AGBL1: variants seen among roughly 807,000 people sequenced by gnomAD.
AGBL1 encodes the protein cytosolic carboxypeptidase 4.
AGBL1 carries 130 observed loss-of-function variants against 118.9 expected under a neutral mutation model. The observed-to-expected ratio is 1.09, with a 90% CI of 0.95 to 1.26. The LOEUF (loss-of-function observed/expected upper bound fraction) is 1.26, where lower values mean the gene tolerates loss of function less well. Ranked by LOEUF, AGBL1 falls within the 50% of genes most tolerant of loss-of-function variation. AGBL1 has a pLI of 0.00. For missense variants in AGBL1, 1,584 were observed against 1,298.1 expected (o/e 1.22, Z -3.38); for synonymous variants, 555 against 478.9 (o/e 1.16, Z -2.08).
At chr15:86,302,745 C>G (rs2079770339) in intron 17 of AGBL1, among the ~76,000 whole-genome samples, 1 of 144,002 alleles carries the variant, frequency 6.9e-6, no homozygotes, top group Admixed American at 7.2e-5. Flanking sequence ...CACCACTGCA[C>G]TCCAGCCTGG....
intron 21 of AGBL1, among the ~76,000 whole-genome samples, chr15:86,617,760 G>GCA (rs5814253): frequency 0.014 from 2,045 of 146,892 alleles, 31 homozygotes; most frequent in African/African-American, 0.04. Context: ...AACTTTATGC[G>GCA]CACACACACA....
chr15:86,724,108 C>A (rs1308271617), intron 22 of AGBL1, among the ~76,000 whole-genome samples: 2 of 151,722 alleles, frequency 1.3e-5, no homozygotes, highest in Admixed American at 6.6e-5. Context: ...CGGTGGCGGG[C>A]GCCTGTAGTC....
intron 11 of AGBL1, 130 bp downstream of exon 11, chr15:86,264,968 T>C (rs1039713473): frequency 2.5e-5 from 23 of 937,766 alleles, no homozygotes; most frequent in South Asian, 1.6e-4. Context: ...TCAAAGCCTG[T>C]TGGCAAACTG....
At chr15:86,333,615 C>G (rs1407379677) in intron 17 of AGBL1, among the ~76,000 whole-genome samples, 8 of 152,164 alleles carry the variant, frequency 5.3e-5, no homozygotes, top group African/African-American at 1.9e-4. Context: ...CAAAGAAGAG[C>G]TGGTCTCAAT....
intron 22 of AGBL1, among the ~76,000 whole-genome samples, chr15:86,770,077 T>A (rs865973815): frequency 2.0e-5 from 3 of 152,174 alleles, no homozygotes; most frequent in African/African-American, 7.2e-5. Context: ...AGGTTGTTCC[T>A]TTTCAATAGT....
At chr15:86,309,956 T>C (rs1567192159) in intron 17 of AGBL1, among the ~76,000 whole-genome samples, 1 of 152,226 alleles carries the variant, frequency 6.6e-6, no homozygotes. Context: ...AATTAGCTTG[T>C]AAATGTTCCC....
intron 5 of AGBL1, among the ~76,000 whole-genome samples, chr15:86,167,623 A>G (rs996745287): frequency 3.3e-5 from 5 of 152,350 alleles, no homozygotes; most frequent in African/African-American, 1.2e-4. Flanking sequence ...ATTATAAAGC[A>G]GATGGGGGAA....
intron 6 of AGBL1, among the ~76,000 whole-genome samples, chr15:86,238,507 C>T (rs1385439494): frequency 6.6e-6 from 1 of 152,164 alleles, no homozygotes; most frequent in Non-Finnish European, 1.5e-5. Context: ...AAGAGTCTAC[C>T]ATGTTAGAGA....
intron 22 of AGBL1, among the ~76,000 whole-genome samples, chr15:86,774,445 C>A (rs978170506): frequency 6.6e-6 from 1 of 152,040 alleles, no homozygotes; most frequent in East Asian, 1.9e-4. Context: ...ATTCGTTGAG[C>A]AAATGTTTAT....
rs1478411056 is a variant in AGBL1 at position 86,636,724 on chromosome 15, T to C, written c.2995-37549T>C. On this transcript the variant is annotated intron_variant, in intron 21 of 22. Coordinates refer to ENST00000614907, the MANE Select transcript of AGBL1 (RefSeq NM_001386094.1). ...AGTCATATATATATATATATATATA[T>C]ATATATATATATATATATATATATA... 1.1e-3 allele frequency among the ~76,000 whole-genome samples: 44 copies of C among 39,596 alleles called. 2 individuals carry two copies. Among genetic ancestry groups the C allele is most frequent in the South Asian group, 3.9e-3 (3 of 774 alleles). The allele number at this position is 39,596 out of a possible 152,430, so 26.0% of individuals were successfully genotyped here.
chr15:86,898,421 A>G (rs2080163325), intron 22 of AGBL1, among the ~76,000 whole-genome samples: 1 of 152,224 alleles, frequency 6.6e-6, no homozygotes, highest in South Asian at 2.1e-4. Context: ...TCTGCTGCAT[A>G]TGACTAGCCA....
At chr15:86,220,124 T>G (rs1310094956) in intron 5 of AGBL1, among the ~76,000 whole-genome samples, 2 of 151,996 alleles carry the variant, frequency 1.3e-5, no homozygotes, top group African/African-American at 4.8e-5. Context: ...GCTAATTTTT[T>G]GTAGTTTTTA....
chr15:86,691,590 T>A (rs1329056915), intron 22 of AGBL1, among the ~76,000 whole-genome samples: 2 of 152,080 alleles, frequency 1.3e-5, no homozygotes, highest in African/African-American at 4.8e-5. Flanking sequence ...GGAACAAGGA[T>A]CAAATTGAGG....
intron 22 of AGBL1, among the ~76,000 whole-genome samples, chr15:86,780,037 T>A (rs1365174698): frequency 2.6e-5 from 4 of 152,214 alleles, no homozygotes; most frequent in African/African-American, 9.6e-5. Context: ...GCTCATATCC[T>A]ATTTAAGAAA....
intron 22 of AGBL1, among the ~76,000 whole-genome samples, chr15:86,790,565 A>G (rs76645886): frequency 0.014 from 2,185 of 152,300 alleles, 49 homozygotes; most frequent in African/African-American, 0.049. Context: ...ACTGAGATAT[A>G]GATGATGACC....
rs1443495583 is a variant in AGBL1, at chr15:86,236,779, G to T, written c.527-10892G>T. Reference sequence around the variant, plus strand: ...GGCAGAAATCAGCTGGAGGCTGGAGGAGGGGGTATCTGATTTGCATAGGGC... The same window carrying T: ...GGCAGAAATCAGCTGGAGGCTGGAGTAGGGGGTATCTGATTTGCATAGGGC... On this transcript the variant is annotated intron_variant, in intron 6 of 22. Coordinates refer to ENST00000614907, the MANE Select transcript of AGBL1 (RefSeq NM_001386094.1). Among the ~76,000 whole-genome samples the T allele has an allele frequency of 2.0e-5, 3 of 152,132 alleles. No individual in the cohort carries two copies. In the East Asian group the frequency reaches 5.8e-4, roughly 29 times the overall value.
intron 23 of AGBL1, among the ~76,000 whole-genome samples, chr15:86,970,096 T>C (rs1486160348): frequency 6.6e-6 from 1 of 151,864 alleles, no homozygotes; most frequent in Non-Finnish European, 1.5e-5. Flanking sequence ...GTCTACCCAA[T>C]AACTCTAGTA....
intron 21 of AGBL1, among the ~76,000 whole-genome samples, chr15:86,633,031 G>C (rs1365441681): frequency 6.6e-6 from 1 of 152,004 alleles, no homozygotes; most frequent in African/African-American, 2.4e-5. Context: ...TGTAACATTA[G>C]GTAGACATAA....
chr15:86,654,849 A>G (rs756116824), intron 21 of AGBL1, among the ~76,000 whole-genome samples: 9 of 152,176 alleles, frequency 5.9e-5, no homozygotes, highest in Non-Finnish European at 1.3e-4. Context: ...GCCAGTGAGC[A>G]TCAAAATCAA....
Sources: gnomAD v4.1 joint callset for allele counts (sites outside exome capture counted in the v4.1 genomes callset) on GRCh38, gnomAD v4.1.1 for gene constraint, MANE v1.5 for transcripts, NCBI Gene and HGNC (gene_info 2026-07-23, HGNC 2026-07-21) for gene names.